The following GREB1L variants were observed in gnomAD, a reference collection of about 807,000 sequenced individuals.
GREB1L encodes the protein GREB1-like protein.
A neutral mutation model predicts 200.8 loss-of-function variants in GREB1L; 17 were observed. That is an observed-to-expected ratio of 0.08 (90% CI 0.06 to 0.13). The LOEUF (loss-of-function observed/expected upper bound fraction) is 0.13. Ranked by LOEUF, GREB1L falls within the 10% of genes least tolerant of loss-of-function variation. The pLI is 1.00. For missense variants in GREB1L, 1,657 were observed against 2,367.7 expected, an observed-to-expected ratio of 0.70 and a Z score of 6.23; for synonymous variants, 789 against 893.0, an observed-to-expected ratio of 0.88 and a Z score of 2.08.
At chr18:21,253,247 G>T (rs1487806793) in intron 1 of GREB1L, among the ~76,000 whole-genome samples, 2 of 143,594 alleles carry the variant, frequency 1.4e-5, no homozygotes, top group African/African-American at 2.6e-5. Context: ...CATATTTCAA[G>T]AATTTTTTTT....
chr18:21,459,279 C>CTTTTTTTTTTT (rs746568414), intron 15 of GREB1L, among the ~76,000 whole-genome samples: 84 of 85,908 alleles, frequency 9.8e-4, no homozygotes, highest in Non-Finnish European at 1.4e-3. Context: ...TTTTTCTTTA[C>CTTTTTTTTTTT]TTTTTTTTTT....
intron 29 of GREB1L, 76 bp downstream of exon 29, chr18:21,515,720 C>G: frequency 1.9e-6 from 2 of 1,037,024 alleles, no homozygotes; most frequent in East Asian, 5.2e-5. Context: ...CTCTGTAATG[C>G]TTTTATTCGT....
intron 1 of GREB1L, among the ~76,000 whole-genome samples, chr18:21,295,159 T>C (rs1417777670): frequency 2.6e-5 from 4 of 152,232 alleles, no homozygotes; most frequent in African/African-American, 9.6e-5. Flanking sequence ...GAGCCTTTTA[T>C]ATCCTAAAAT....
chr18:21,415,441 G>A (rs1170662364), intron 7 of GREB1L, among the ~76,000 whole-genome samples: 1 of 152,176 alleles, frequency 6.6e-6, no homozygotes, highest in Non-Finnish European at 1.5e-5. Context: ...GCTTGAGGCT[G>A]AAGTGAGCTA....
chr18:21,505,820 G>A lies in GREB1L; in HGVS notation c.4239G>A (p.Lys1413=). ...CCCCTTTATACACAGAAGTGATAAA[G>A]GAATCCAAAGTTGAAGAGCCCAGGA... ...KLAGVKQEVI[K]ESKVEEPRKR... is the part of the protein sequence containing the mutation. The change falls in exon 25 of 33, where the codon AAG becomes AAA. Residue 1413 remains lysine (K), a synonymous_variant. Coordinates refer to ENST00000424526, the MANE Select transcript of GREB1L (RefSeq NM_001142966.3). 1 of 1,551,622 alleles carries A rather than the reference G, an allele frequency of 6.4e-7. No homozygotes were observed. The highest frequency in any genetic ancestry group is 2.4e-5 in the East Asian group (1 of 40,920).
At chr18:21,496,387 C>G (rs1342316496) in intron 20 of GREB1L, 67 bp from the exon 21 acceptor site, 1 of 1,504,664 alleles carries the variant, frequency 6.6e-7, no homozygotes, top group East Asian at 2.5e-5. Flanking sequence ...TCCAGATCAC[C>G]AGGCACACAT....
chr18:21,440,117 T>A (rs532563423), intron 8 of GREB1L, among the ~76,000 whole-genome samples, 152 bp from the exon 9 acceptor site: 79 of 152,374 alleles, frequency 5.2e-4, no homozygotes, highest in African/African-American at 1.8e-3. Flanking sequence ...GGCTTTTTTT[T>A]AAACTTTACC....
chr18:21,294,883 A>G (rs1264156504), intron 1 of GREB1L, among the ~76,000 whole-genome samples: 1 of 152,118 alleles, frequency 6.6e-6, no homozygotes, highest in Admixed American at 6.6e-5. Context: ...CTTAGAGATC[A>G]ATCTCTTCAC....
At chr18:21,522,216 T>A (rs2037615805) in intron 32 of GREB1L, among the ~76,000 whole-genome samples, 1 of 152,024 alleles carries the variant, frequency 6.6e-6, no homozygotes, top group Admixed American at 6.6e-5. Flanking sequence ...CTCACACCTG[T>A]AATCCCAGCA....
chr18:21,267,714 T>C (rs2037994281), intron 1 of GREB1L, among the ~76,000 whole-genome samples: 1 of 152,120 alleles, frequency 6.6e-6, no homozygotes, highest in Non-Finnish European at 1.5e-5. Flanking sequence ...GGGAAGGTAT[T>C]TGCAGGAATT....
At chr18:21,484,637 C>T (rs1245516918) in intron 17 of GREB1L, among the ~76,000 whole-genome samples, 7 of 151,994 alleles carry the variant, frequency 4.6e-5, no homozygotes, top group African/African-American at 1.7e-4. Context: ...GCCAACGTGG[C>T]GAAACCCCGT....
At chr18:21,318,456 C>T (rs1444727638) in intron 1 of GREB1L, among the ~76,000 whole-genome samples, 1 of 152,126 alleles carries the variant, frequency 6.6e-6, no homozygotes, top group African/African-American at 2.4e-5. Context: ...TTATGTGCCT[C>T]TTAAAAATTG....
chr18:21,391,354 G>A (rs1480939915), intron 4 of GREB1L, among the ~76,000 whole-genome samples: 1 of 152,176 alleles, frequency 6.6e-6, no homozygotes, highest in Non-Finnish European at 1.5e-5. Context: ...GTAGCCTAGG[G>A]GCATTAGGCT....
At chr18:21,428,316 G>GT (rs1393566970) in intron 7 of GREB1L, among the ~76,000 whole-genome samples, 3 of 138,798 alleles carry the variant, frequency 2.2e-5, no homozygotes, top group Non-Finnish European at 4.7e-5. Context: ...TTTATTTTGG[G>GT]TTTTTGTCTT....
At chr18:21,474,985 T>TG (rs538559088) in intron 16 of GREB1L, among the ~76,000 whole-genome samples, 4 of 152,088 alleles carry the variant, frequency 2.6e-5, no homozygotes, top group Non-Finnish European at 4.4e-5. Context: ...CCACAACACA[T>TG]GGGAATTATG....
chr18:21,267,745 C>T (rs536720847), intron 1 of GREB1L, among the ~76,000 whole-genome samples: 1 of 151,542 alleles, frequency 6.6e-6, no homozygotes, highest in East Asian at 1.9e-4. Flanking sequence ...CTTTTGCTTT[C>T]TGCCCTTAAG....
intron 17 of GREB1L, among the ~76,000 whole-genome samples, chr18:21,480,952 G>A (rs1029186050): frequency 2.0e-5 from 3 of 151,852 alleles, no homozygotes; most frequent in African/African-American, 4.8e-5. Flanking sequence ...CCTGGGAGGC[G>A]GAGTTTGCAA....
chr18:21,413,588 C>T (rs2031309738), intron 7 of GREB1L, among the ~76,000 whole-genome samples: 1 of 152,136 alleles, frequency 6.6e-6, no homozygotes, highest in South Asian at 2.1e-4. Context: ...ACGGTAAACT[C>T]CTTGAAGGTA....
chr18:21,520,744 G>A lies in GREB1L; in HGVS notation c.5529G>A (p.Gly1843=). Residue 1843 remains glycine, a synonymous_variant, in exon 32 of 33, where the codon GGG becomes GGA. Transcript: ENST00000424526. ...ACTCCAGCAATGTCAACTGTGAAGG[G>A]GTGTTTTTCAGTGGACTCCTTTTGT... The part of the protein sequence containing the change: ...RPHSSNVNCE[G]VFFSGLLLYL... The A allele has an allele frequency of 6.4e-7, 1 of 1,550,814 alleles. No individual in the cohort carries two copies. Among genetic ancestry groups the A allele is most frequent in the Non-Finnish European group, 8.7e-7 (1 of 1,146,544 alleles).
Sources: gnomAD v4.1 joint callset for allele counts (sites outside exome capture counted in the v4.1 genomes callset) on GRCh38, gnomAD v4.1.1 for gene constraint, MANE v1.5 for transcripts, NCBI Gene and HGNC (gene_info 2026-07-23, HGNC 2026-07-21) for gene names.